SMIM10L2A: variants seen among roughly 807,000 people sequenced by gnomAD.
The protein encoded by SMIM10L2A is small integral membrane protein 10-like protein 2A.
Under a neutral mutation model 3.0 loss-of-function variants are expected in SMIM10L2A, and 2 were observed. That is an observed-to-expected ratio of 0.66 (90% CI 0.27 to 2.08). The LOEUF (loss-of-function observed/expected upper bound fraction) is 2.08. SMIM10L2A is among the 30% of genes most tolerant of loss of function. The pLI is 0.14. For missense variants in SMIM10L2A, 59 were observed against 66.5 expected, an observed-to-expected ratio of 0.89 and a Z score of 0.39; for synonymous variants, 29 against 34.8, an observed-to-expected ratio of 0.83 and a Z score of 0.58.
rs368323724 is a variant in SMIM10L2A, at chrX:135,424,907, C to A, written c.*1637C>A. The A allele has an allele frequency of 8.9e-6, 1 of 111,805 alleles. No homozygotes were observed. The highest frequency in any genetic ancestry group is 1.9e-5 in the Non-Finnish European group (1 of 53,067). The allele number at this position is 111,805 out of a possible 1,213,427, so 9.2% of individuals were successfully genotyped here. On this transcript the variant is annotated 3_prime_UTR_variant, in exon 2 of 2. Transcript: ENST00000417443. ...TCTTGGGAACCCCTGACCCTGCTGG[C>A]CCCTCTCATCCACCCCAACCCTATC... is the stretch of plus-strand genomic sequence containing the variant.
rs1569501578 is a variant in SMIM10L2A at position 135,427,550 on chromosome X, T to G, written c.*4280T>G. 1 of 112,285 alleles carries G rather than the reference T, an allele frequency of 8.9e-6. No homozygotes were observed. The highest frequency in any genetic ancestry group is 1.9e-5 in the Non-Finnish European group (1 of 53,238). The allele number at this position is 112,285 out of a possible 1,213,427, so 9.3% of individuals were successfully genotyped here. ...ACAAACAGCATGCAAAATCACATCC[T>G]ACTCCTACCCACCCCACTCCCAAGG... On this transcript the variant is annotated 3_prime_UTR_variant, in exon 2 of 2. Transcript: ENST00000417443.
rs1370004791 is a variant in SMIM10L2A, at chrX:135,424,123, C to G, written c.*853C>G. ...TGGGGCACCAAGGGAGAGAGGGGCCCAGGGGTAGGGAATCTAGGAATGTCG... is the reference window on the plus strand; with the variant it reads ...TGGGGCACCAAGGGAGAGAGGGGCCGAGGGGTAGGGAATCTAGGAATGTCG... On this transcript the variant is annotated 3_prime_UTR_variant, in exon 2 of 2. Coordinates refer to ENST00000417443, the MANE Select transcript of SMIM10L2A (RefSeq NM_203306.3). 1 of 111,210 alleles carries G rather than the reference C, an allele frequency of 9.0e-6. No homozygotes were observed. The highest frequency in any genetic ancestry group is 1.9e-5 in the Non-Finnish European group (1 of 52,793). The allele number at this position is 111,210 out of a possible 1,213,427, so 9.2% of individuals were successfully genotyped here.
Position 135,425,423 on chromosome X carries a change from C to A in SMIM10L2A, c.*2153C>A, listed in dbSNP as rs1556471353. 1 of 112,082 alleles carries A rather than the reference C, an allele frequency of 8.9e-6. No individual in the cohort carries two copies. The highest frequency in any genetic ancestry group is 1.9e-5 in the Non-Finnish European group (1 of 53,158). The allele number at this position is 112,082 out of a possible 1,213,427, so 9.2% of individuals were successfully genotyped here. On this transcript the variant is annotated 3_prime_UTR_variant, in exon 2 of 2. Coordinates refer to ENST00000417443, the MANE Select transcript of SMIM10L2A (RefSeq NM_203306.3). ...TGACTGGGGAGGGTCAGGGCCAAGC[C>A]CTCAGCATCTGCTCCTGTCCCTGCT... is the stretch of plus-strand genomic sequence containing the variant.
rs2085133547 is a variant in SMIM10L2A at position 135,422,185 on chromosome X, C to T, written c.54C>T (p.Gly18=). Residue 18 remains glycine (G), a synonymous_variant, in exon 1 of 2, where the codon GGC becomes GGT. Coordinates refer to ENST00000417443, the MANE Select transcript of SMIM10L2A (RefSeq NM_203306.3). ...CGGCGGCTGCGGCGGCCCTGTCTGGCCTGGCGGTGCGGCTGTCGCGCTCAG... is the reference window on the plus strand; with the variant it reads ...CGGCGGCTGCGGCGGCCCTGTCTGGTCTGGCGGTGCGGCTGTCGCGCTCAG... ...SAAAAAAALS[G]LAVRLSRSAA... The T allele has an allele frequency of 1.3e-5, 12 of 936,762 alleles. No homozygotes were observed. The East Asian group carries it at 5.0e-4, about 39-fold the overall frequency. The allele number at this position is 936,762 out of a possible 1,213,427, so 77.2% of individuals were successfully genotyped here. A position where few individuals can be genotyped will look rare whatever the true frequency, so the allele number is the denominator to read the frequency against.
chrX:135,422,498 C>A lies in SMIM10L2A; in HGVS notation c.*130C>A. On this transcript the variant is annotated 3_prime_UTR_variant, in exon 1 of 2. Transcript: ENST00000417443. ...GGCGGAGGCGGGGCGGCTCGGACCC[C>A]TGGACTCTAGACCTACGCCGCCAGG... 3.9e-6 allele frequency: 1 copy of A among 258,707 alleles called. No individual in the cohort carries two copies. The highest frequency in any genetic ancestry group is 6.8e-6 in the Non-Finnish European group (1 of 146,526). 21.3% of individuals were successfully genotyped at this position (258,707 alleles called of 1,213,427 possible).
In SMIM10L2A at chrX:135,427,596, G is replaced by A. The variant is rs1406350897; in HGVS notation, c.*4326G>A. 1 of 112,382 alleles carries A rather than the reference G, an allele frequency of 8.9e-6. No individual in the cohort carries two copies. Among genetic ancestry groups the A allele is most frequent in the Non-Finnish European group, 1.9e-5 (1 of 53,215 alleles). 9.3% of individuals were successfully genotyped at this position (112,382 alleles called of 1,213,427 possible). On this transcript the variant is annotated 3_prime_UTR_variant, in exon 2 of 2. Coordinates refer to ENST00000417443, the MANE Select transcript of SMIM10L2A (RefSeq NM_203306.3). ...CAAGGGAAATTGCTGGGTTTTGGAC[G>A]AATTTTCACTTTGTGTGCACCTTTT...
chrX:135,424,000 C>T lies in SMIM10L2A; in HGVS notation c.*730C>T, dbSNP rs782042124. 2.7e-5 allele frequency: 3 copies of T among 112,127 alleles called. No homozygotes were observed. Among genetic ancestry groups the T allele is most frequent in the Non-Finnish European group, 5.7e-5 (3 of 53,079 alleles). The allele number at this position is 112,127 out of a possible 1,213,427, so 9.2% of individuals were successfully genotyped here. On this transcript the variant is annotated 3_prime_UTR_variant, in exon 2 of 2. Coordinates refer to ENST00000417443, the MANE Select transcript of SMIM10L2A (RefSeq NM_203306.3). ...AGGAGGAGGAGGAACTGCGTGTGCC[C>T]CTGGGCCTGCAGGCCCCCACACCCC...
rs1223761437 is a variant in SMIM10L2A, at chrX:135,424,617, A to G, written c.*1347A>G. On this transcript the variant is annotated 3_prime_UTR_variant, in exon 2 of 2. Coordinates refer to ENST00000417443, the MANE Select transcript of SMIM10L2A (RefSeq NM_203306.3). ...GAAGGGACCCTCGCCCTTACCATCT[A>G]TCCCCATTTCCGCATCTCTTGCACT... is the stretch of plus-strand genomic sequence containing the variant. 1 of 110,981 alleles carries G rather than the reference A, an allele frequency of 9.0e-6. No individual in the cohort carries two copies. Among genetic ancestry groups the G allele is most frequent in the Non-Finnish European group, 1.9e-5 (1 of 52,883 alleles). 9.1% of individuals were successfully genotyped at this position (110,981 alleles called of 1,213,427 possible).
chrX:135,426,477 G>A lies in SMIM10L2A; in HGVS notation c.*3207G>A, dbSNP rs1556471712. 1 of 112,448 alleles carries A rather than the reference G, an allele frequency of 8.9e-6. No homozygotes were observed. Among genetic ancestry groups the A allele is most frequent in the Non-Finnish European group, 1.9e-5 (1 of 53,204 alleles). 9.3% of individuals were successfully genotyped at this position (112,448 alleles called of 1,213,427 possible). On this transcript the variant is annotated 3_prime_UTR_variant, in exon 2 of 2. Coordinates refer to ENST00000417443, the MANE Select transcript of SMIM10L2A (RefSeq NM_203306.3). ...GGACACAGGGCTATGCTCAGACTTA[G>A]GAGTGAAGACTGGGTTTAGGGGCCC...
In SMIM10L2A at chrX:135,422,219, C is replaced by G; in HGVS notation, c.88C>G (p.Arg30Gly). 5.7e-6 allele frequency: 6 copies of G among 1,052,573 alleles called. No homozygotes were observed. The highest frequency in any genetic ancestry group is 2.3e-5 in the South Asian group (1 of 43,840). 86.7% of individuals were successfully genotyped at this position (1,052,573 alleles called of 1,213,427 possible). The change falls in exon 1 of 2, where the codon CGA (arginine) becomes GGA (glycine). Residue 30 changes from arginine (R) to glycine (G), a missense_variant. Physicochemically the swap from Arg to Gly is moderately radical, Grantham distance 125. Coordinates refer to ENST00000417443, the MANE Select transcript of SMIM10L2A (RefSeq NM_203306.3). ...GCGGCTGTCGCGCTCAGCTGCGGCC[C>G]GAGGCTCGTACGGCGCCTTCTGCAA... ...AVRLSRSAAA[R>G]GSYGAFCKGL... is the part of the protein sequence containing the mutation.
Position 135,422,151 on chromosome X carries a change from T to G in SMIM10L2A, c.20T>G (p.Leu7Arg). The G allele has an allele frequency of 1.5e-6, 1 of 656,776 alleles. No individual in the cohort carries two copies. Among genetic ancestry groups the G allele is most frequent in the East Asian group, 4.6e-5 (1 of 21,910 alleles). The allele number at this position is 656,776 out of a possible 1,213,427, so 54.1% of individuals were successfully genotyped here. ...GGGCCCATGGCGGCGTCGGCGGCTC[T>G]GTCTGCAGCGGCGGCTGCGGCGGCC... Reference protein sequence around the residue: MAASAALSAAAAAAALS... With the variant: MAASAARSAAAAAAALS... Residue 7 changes from leucine (L) to arginine (R), a missense_variant, in exon 1 of 2, where the codon CTG becomes CGG. Physicochemically the swap from Leu to Arg is moderately radical, Grantham distance 102. Coordinates refer to ENST00000417443, the MANE Select transcript of SMIM10L2A (RefSeq NM_203306.3).
Position 135,427,911 on chromosome X carries a change from T to C in SMIM10L2A, c.*4641T>C, listed in dbSNP as rs1206168895. 1.8e-5 allele frequency: 2 copies of C among 111,879 alleles called. No individual in the cohort carries two copies. The highest frequency in any genetic ancestry group is 3.3e-5 in the African/African-American group (1 of 30,757). 9.2% of individuals were successfully genotyped at this position (111,879 alleles called of 1,213,427 possible). Reference sequence around the variant, plus strand: ...TGGCATAGTCATCAATTCCTTGATATATATTCCTAGAAAGTGCACCAAAGG... The same window carrying C: ...TGGCATAGTCATCAATTCCTTGATACATATTCCTAGAAAGTGCACCAAAGG... On this transcript the variant is annotated 3_prime_UTR_variant, in exon 2 of 2. Transcript: ENST00000417443.
At position 135,422,194 on chromosome X, in the gene SMIM10L2A, G is replaced by T. The variant is rs782468218; in HGVS notation, c.63G>T (p.Val21=). The T allele has an allele frequency of 1.8e-5, 17 of 963,759 alleles. No homozygotes were observed. Among genetic ancestry groups the T allele is most frequent in the Admixed American group, 3.1e-5 (1 of 31,766 alleles). The allele number at this position is 963,759 out of a possible 1,213,427, so 79.4% of individuals were successfully genotyped here. A position where few individuals can be genotyped will look rare whatever the true frequency, so the allele number is the denominator to read the frequency against. Residue 21 remains valine, a synonymous_variant, in exon 1 of 2, where the codon GTG becomes GTT. Coordinates refer to ENST00000417443, the MANE Select transcript of SMIM10L2A (RefSeq NM_203306.3). The stretch of plus-strand genomic sequence containing the variant: ...CGGCGGCCCTGTCTGGCCTGGCGGT[G>T]CGGCTGTCGCGCTCAGCTGCGGCCC... ...AAAAALSGLA[V]RLSRSAAARG...
In SMIM10L2A at chrX:135,427,668, A is replaced by G. The variant is rs2085157821; in HGVS notation, c.*4398A>G. 8.9e-6 allele frequency: 1 copy of G among 112,216 alleles called. No individual in the cohort carries two copies. Among genetic ancestry groups the G allele is most frequent in the Admixed American group, 9.4e-5 (1 of 10,686 alleles). 9.2% of individuals were successfully genotyped at this position (112,216 alleles called of 1,213,427 possible). ...TACTACTTTGAAATCTGATTCCGCT[A>G]TTTCATGTTTGTCTTACCATGTTAT... On this transcript the variant is annotated 3_prime_UTR_variant, in exon 2 of 2. Transcript: ENST00000417443.
chrX:135,423,345 C>CCCA (rs782078119), intron 1 of SMIM10L2A, among the ~76,000 whole-genome samples: 7 of 112,796 alleles, frequency 6.2e-5, no homozygotes, highest in African/African-American at 2.3e-4. Flanking sequence ...GTCCCCTCCC[C>CCCA]TAGTCTTGCT....
At chrX:135,423,088 C>G (rs782329856) in intron 1 of SMIM10L2A, among the ~76,000 whole-genome samples, 2 of 112,299 alleles carry the variant, frequency 1.8e-5, no homozygotes, top group East Asian at 5.7e-4. Context: ...CCCCACCAGT[C>G]GGTGGGCATA....
chrX:135,423,271 A>C (rs1269739246), intron 1 of SMIM10L2A, among the ~76,000 whole-genome samples: 4 of 111,828 alleles, frequency 3.6e-5, no homozygotes, highest in Non-Finnish European at 7.5e-5. Context: ...CTACCCCTAC[A>C]TGAGGGCACC....
In SMIM10L2A at chrX:135,424,709, G is replaced by A. The variant is rs782759189; in HGVS notation, c.*1439G>A. 8.9e-5 allele frequency: 10 copies of A among 111,929 alleles called. No individual in the cohort carries two copies. Among genetic ancestry groups the A allele is most frequent in the South Asian group, 3.8e-4 (1 of 2,663 alleles). The allele number at this position is 111,929 out of a possible 1,213,427, so 9.2% of individuals were successfully genotyped here. ...CTGCAGCAGTCTGGCCAGCTCCAGG[G>A]ACAGAGTGGCCCAGCCACCTACTAT... On this transcript the variant is annotated 3_prime_UTR_variant, in exon 2 of 2. Coordinates refer to ENST00000417443, the MANE Select transcript of SMIM10L2A (RefSeq NM_203306.3).
In SMIM10L2A at chrX:135,423,630, C is replaced by T. The variant is rs1315488612; in HGVS notation, c.*363-3C>T. The T allele has an allele frequency of 8.8e-6, 1 of 114,018 alleles. No homozygotes were observed. Among genetic ancestry groups the T allele is most frequent in the Non-Finnish European group, 1.9e-5 (1 of 53,584 alleles). 9.4% of individuals were successfully genotyped at this position (114,018 alleles called of 1,213,427 possible). ...GGTCCCCATCTCTTTCTTTCTCTTT[C>T]AGGCATTGGCATTTGTAGGCGGTGA... On this transcript the variant is annotated splice_region_variant and splice_polypyrimidine_tract_variant and intron_variant, in intron 1 of 1. Transcript: ENST00000417443.
Sources: allele counts gnomAD v4.1 joint callset (sites outside exome capture counted in the v4.1 genomes callset), GRCh38; gene constraint gnomAD v4.1.1; transcripts MANE v1.5; gene names NCBI Gene and HGNC (gene_info 2026-07-23, HGNC 2026-07-21).